MACROD2: variants seen among roughly 807,000 people sequenced by gnomAD.
The protein encoded by MACROD2 is mono-ADP ribosylhydrolase 2.
MACROD2 carries 36 observed loss-of-function variants against 70.4 expected under a neutral mutation model. That is an observed-to-expected ratio of 0.51 (90% CI 0.39 to 0.68). The LOEUF (loss-of-function observed/expected upper bound fraction) is 0.68. Ranked by LOEUF, MACROD2 falls within the 30% of genes least tolerant of loss-of-function variation. The probability of loss-of-function intolerance (pLI) is 0.00; values close to 1 mark genes in which losing one functional copy is unlikely to be tolerated. For missense variants in MACROD2, 496 were observed against 538.4 expected (o/e 0.92, Z 0.78); for synonymous variants, 172 against 178.8 (o/e 0.96, Z 0.30).
chr20:15,434,305 T>G (rs938804739), intron 7 of MACROD2, among the ~76,000 whole-genome samples: 1 of 149,312 alleles, frequency 6.7e-6, no homozygotes, highest in African/African-American at 2.4e-5. Flanking sequence ...ACCCAGAATC[T>G]ATAAGGAACT....
intron 3 of MACROD2, among the ~76,000 whole-genome samples, chr20:14,235,904 C>T (rs935659146): frequency 3.6e-4 from 15 of 41,834 alleles, no homozygotes; most frequent in East Asian, 1.4e-3. Context: ...GCAAATAATA[C>T]GTGGAAAAAC....
intron 8 of MACROD2, among the ~76,000 whole-genome samples, chr20:15,649,443 T>C (rs2049611213): frequency 6.6e-6 from 1 of 151,580 alleles, no homozygotes; most frequent in Non-Finnish European, 1.5e-5. Flanking sequence ...AGTTCCAGAG[T>C]CGTGAATTAT....
chr20:15,577,718 T>C (rs1449065963), intron 8 of MACROD2, among the ~76,000 whole-genome samples: 1 of 152,204 alleles, frequency 6.6e-6, no homozygotes, highest in African/African-American at 2.4e-5. Flanking sequence ...TGTACTCATA[T>C]TCATAAATTG....
chr20:15,853,844 T>C (rs938584243), intron 8 of MACROD2, among the ~76,000 whole-genome samples: 1 of 152,136 alleles, frequency 6.6e-6, no homozygotes, highest in African/African-American at 2.4e-5. Context: ...AGCTAATTAG[T>C]AGGTGTGTTT....
intron 3 of MACROD2, among the ~76,000 whole-genome samples, chr20:14,266,175 A>C (rs2082142874): frequency 6.6e-6 from 1 of 152,200 alleles, no homozygotes; most frequent in African/African-American, 2.4e-5. Context: ...GATAGAATAT[A>C]ATACACATTC....
intron 8 of MACROD2, among the ~76,000 whole-genome samples, chr20:15,829,048 C>T (rs8115659): frequency 1.6e-4 from 24 of 152,138 alleles, no homozygotes; most frequent in African/African-American, 5.3e-4. Context: ...TTAAAAATTA[C>T]CTTTTGCCCC....
intron 3 of MACROD2, among the ~76,000 whole-genome samples, chr20:14,391,799 T>C (rs1236021800): frequency 1.4e-5 from 2 of 142,902 alleles, no homozygotes; most frequent in African/African-American, 5.3e-5. Flanking sequence ...ATGGCAACAA[T>C]AGACACTGAG....
intron 2 of MACROD2, among the ~76,000 whole-genome samples, chr20:14,058,832 CGAG>C (rs1017996835): frequency 1.3e-5 from 2 of 151,728 alleles, no homozygotes; most frequent in African/African-American, 4.8e-5. Context: ...TTAGTAGAGA[CGAG>C]GTTTCACAAT....
At chr20:15,586,729 GAAATGTTCAAT>G (rs1157783640) in intron 8 of MACROD2, among the ~76,000 whole-genome samples, 2 of 152,134 alleles carry the variant, frequency 1.3e-5, no homozygotes, top group Non-Finnish European at 2.9e-5. Context: ...TTGTACAATA[GAAATGTTCAAT>G]AACTTGGCTG....
At chr20:14,035,953 T>C (rs571543112) in intron 2 of MACROD2, among the ~76,000 whole-genome samples, 2 of 152,112 alleles carry the variant, frequency 1.3e-5, no homozygotes, top group Admixed American at 6.5e-5. Flanking sequence ...CCATCCTGGC[T>C]AACATGGTGA....
In MACROD2 at chr20:15,986,808, A is replaced by T; in HGVS notation, c.1060+7A>T. 1 of 1,594,416 alleles carries T rather than the reference A, an allele frequency of 6.3e-7. No homozygotes were observed. Among genetic ancestry groups the T allele is most frequent in the Non-Finnish European group, 8.6e-7 (1 of 1,162,876 alleles). ...TCATATATGGAAACAGAAGGTACTG[A>T]AACCAAAATATATTGTTATCAGAGA... On this transcript the variant is annotated splice_region_variant and intron_variant, in intron 14 of 17. Transcript: ENST00000684519.
intron 8 of MACROD2, among the ~76,000 whole-genome samples, chr20:15,712,950 T>A (rs2050650693): frequency 6.6e-6 from 1 of 152,198 alleles, no homozygotes; most frequent in South Asian, 2.1e-4. Context: ...AGGCTTCACC[T>A]CCACTATTCT....
At chr20:15,736,026 C>T (rs6043499) in intron 8 of MACROD2, among the ~76,000 whole-genome samples, 114,569 of 152,124 alleles carry the variant, frequency 0.75, 43,840 homozygotes, top group Middle Eastern at 0.83. Context: ...GGGCTTGGGC[C>T]CTAGCATATC....
chr20:15,041,838 A>G (rs1023663682), intron 5 of MACROD2, among the ~76,000 whole-genome samples: 1 of 152,176 alleles, frequency 6.6e-6, no homozygotes, highest in African/African-American at 2.4e-5. Context: ...GAGTTTTAAT[A>G]TCGAAATGCT....
rs145685121 is a variant in MACROD2 at position 14,309,990 on chromosome 20, G to A, written c.272-183489G>A. Among the ~76,000 whole-genome samples the A allele has an allele frequency of 7.9e-5, 12 of 152,190 alleles. No homozygotes were observed. In the South Asian group the frequency reaches 1.7e-3, roughly 21 times the overall value. ...AGACTCTTCAGTTTTAGAAGTTTCA[G>A]CATGTATGGGGTACGTGTGTGGTGT... On this transcript the variant is annotated intron_variant, in intron 3 of 17. Transcript: ENST00000684519.
At chr20:15,250,535 T>C (rs1251114839) in intron 6 of MACROD2, among the ~76,000 whole-genome samples, 1 of 152,254 alleles carries the variant, frequency 6.6e-6, no homozygotes, top group Non-Finnish European at 1.5e-5. Context: ...AGTCAAAGGA[T>C]TGAGAAAAAT....
chr20:14,264,130 T>C (rs900480730), intron 3 of MACROD2, among the ~76,000 whole-genome samples: 16 of 150,750 alleles, frequency 1.1e-4, no homozygotes, highest in African/African-American at 3.9e-4. Flanking sequence ...TAATACACAA[T>C]GCAATTTGGC....
At chr20:15,308,617 A>G (rs1485752086) in intron 6 of MACROD2, among the ~76,000 whole-genome samples, 1 of 152,206 alleles carries the variant, frequency 6.6e-6, no homozygotes, top group Non-Finnish European at 1.5e-5. Flanking sequence ...TGGCTTATGT[A>G]TAGTTGAGGT....
At chr20:15,432,638 G>T (rs890034828) in intron 7 of MACROD2, among the ~76,000 whole-genome samples, 1 of 152,010 alleles carries the variant, frequency 6.6e-6, no homozygotes, top group Non-Finnish European at 1.5e-5. Context: ...GCCTTATGTA[G>T]AGTCAAACCA....
Sources: allele counts gnomAD v4.1 joint callset (sites outside exome capture counted in the v4.1 genomes callset), GRCh38; gene constraint gnomAD v4.1.1; transcripts MANE v1.5; gene names NCBI Gene and HGNC (gene_info 2026-07-23, HGNC 2026-07-21).